Variants in TEN1 observed in about 807,000 individuals in gnomAD.
The protein encoded by TEN1 is CST complex subunit TEN1.
Under a neutral mutation model 9.3 loss-of-function variants are expected in TEN1, and 6 were observed. That is an observed-to-expected ratio of 0.65 (90% CI 0.35 to 1.27). The LOEUF is 1.27. Among genes scored for constraint, TEN1 ranks in the 50% most tolerant of loss-of-function variants. The pLI is 0.03. For missense variants in TEN1, 149 were observed against 158.2 expected (o/e 0.94, Z 0.31); for synonymous variants, 65 against 65.6 (o/e 0.99, Z 0.04).
At chr17:75,993,376 T>C (rs1232950227) in intron 3 of TEN1, among the ~76,000 whole-genome samples, 2 of 152,100 alleles carry the variant, frequency 1.3e-5, no homozygotes, top group Non-Finnish European at 2.9e-5. Context: ...GTGTTGGGAT[T>C]ACAAGCGTGA....
At chr17:75,982,699 T>TTTTATTTATTTA (rs60755863) in intron 1 of TEN1, among the ~76,000 whole-genome samples, 1 of 150,872 alleles carries the variant, frequency 6.6e-6, no homozygotes, top group Non-Finnish European at 1.5e-5. Context: ...TTGATCATAG[T>TTTTATTTATTTA]TTTATTTATT....
At position 76,000,290 on chromosome 17, in the gene TEN1, CT is replaced by C. The variant is rs780497848; in HGVS notation, c.*29del. ...AACAGCAGCCTAGCAACACCCTCAC[CT>C]GCTTCAGAGCCCGAACCCTCTGGAG... On this transcript the variant is annotated 3_prime_UTR_variant, in exon 4 of 4. Transcript: ENST00000397640. The surrounding 1 kb of genome is among the most constrained non-coding windows in gnomAD (Gnocchi z 5.9). 263 of 1,545,294 alleles carry C rather than the reference CT, an allele frequency of 1.7e-4. No homozygotes were observed. Among genetic ancestry groups the C allele is most frequent in the Non-Finnish European group, 2.2e-4 (255 of 1,143,390 alleles).
At chr17:75,996,870 C>T (rs994280767) in intron 3 of TEN1, among the ~76,000 whole-genome samples, 10 of 152,078 alleles carry the variant, frequency 6.6e-5, no homozygotes, top group African/African-American at 1.5e-4. Context: ...AACCTTTCTC[C>T]CCAAACCACA....
At chr17:75,995,846 A>C (rs1325551516) in intron 3 of TEN1, among the ~76,000 whole-genome samples, 1 of 152,076 alleles carries the variant, frequency 6.6e-6, no homozygotes, top group Non-Finnish European at 1.5e-5. Flanking sequence ...CTAATCTAGC[A>C]TGTTCGGAGG....
chr17:75,999,332 C>A (rs778289976), intron 3 of TEN1, among the ~76,000 whole-genome samples: 14 of 151,984 alleles, frequency 9.2e-5, no homozygotes, highest in Non-Finnish European at 1.8e-4. Context: ...CAGAGCAACA[C>A]CCTGTCTCAA....
chr17:75,993,856 C>T (rs1254300653), intron 3 of TEN1, among the ~76,000 whole-genome samples: 1 of 152,094 alleles, frequency 6.6e-6, no homozygotes, highest in Non-Finnish European at 1.5e-5. Flanking sequence ...GTTAGCCGGG[C>T]GTGGTGGCAC....
intron 1 of TEN1, among the ~76,000 whole-genome samples, chr17:75,983,268 G>A (rs1014601293): frequency 3.9e-5 from 6 of 151,984 alleles, no homozygotes; most frequent in Non-Finnish European, 8.8e-5. Context: ...CAGACAGAGC[G>A]AGACTCCATC....
At chr17:75,993,711 C>A (rs1023826902) in intron 3 of TEN1, among the ~76,000 whole-genome samples, 1 of 151,990 alleles carries the variant, frequency 6.6e-6, no homozygotes. Context: ...AAAAATTGAA[C>A]CTGGGCTGGG....
Position 75,979,450 on chromosome 17 carries a change from C to T in TEN1, c.-68C>T, listed in dbSNP as rs1055463654. 8.3e-6 allele frequency: 3 copies of T among 361,364 alleles called. No homozygotes were observed. The highest frequency in any genetic ancestry group is 7.6e-5 in the East Asian group (1 of 13,226). 22.4% of individuals were successfully genotyped at this position (361,364 alleles called of 1,614,324 possible). A position where few individuals can be genotyped will look rare whatever the true frequency, so the allele number is the denominator to read the frequency against. On this transcript the variant is annotated 5_prime_UTR_variant, in exon 1 of 4. Transcript: ENST00000397640. ...AGCACTTTTTGTATCCCGCCCCTCC[C>T]CCGTCACGTGACCACGCGAGGCGGA... is the stretch of plus-strand genomic sequence containing the variant.
At chr17:75,981,951 G>A (rs1021628137) in intron 1 of TEN1, among the ~76,000 whole-genome samples, 2 of 152,144 alleles carry the variant, frequency 1.3e-5, no homozygotes, top group South Asian at 2.1e-4. Flanking sequence ...CGCTTGAACC[G>A]GGGAGGCAGA....
chr17:75,994,795 A>G (rs2066209116), intron 3 of TEN1, among the ~76,000 whole-genome samples: 1 of 152,016 alleles, frequency 6.6e-6, no homozygotes, highest in Admixed American at 6.6e-5. Flanking sequence ...TATCTAAGTC[A>G]TACACGCTCG....
chr17:75,998,169 C>CTTTTTTTTTTT (rs1555622204), intron 3 of TEN1, among the ~76,000 whole-genome samples: 1 of 135,738 alleles, frequency 7.4e-6, no homozygotes, highest in Non-Finnish European at 1.6e-5. Flanking sequence ...TTTTTTTTTC[C>CTTTTTTTTTTT]TTTTTTTTTT....
At chr17:75,983,581 T>C (rs944391536) in intron 1 of TEN1, among the ~76,000 whole-genome samples, 1 of 152,198 alleles carries the variant, frequency 6.6e-6, no homozygotes, top group Non-Finnish European at 1.5e-5. Context: ...CGAAATCATT[T>C]CATGGAGAGC....
At chr17:75,991,982 G>C (rs1401288020) in intron 3 of TEN1, among the ~76,000 whole-genome samples, 2 of 149,784 alleles carry the variant, frequency 1.3e-5, no homozygotes, top group East Asian at 4.0e-4. Flanking sequence ...GGGAGGTACA[G>C]GTTGCAGTGA....
Position 75,979,389 on chromosome 17 carries a change from A to C in TEN1, c.-129A>C. 1 of 500,436 alleles carries C rather than the reference A, an allele frequency of 2.0e-6. No individual in the cohort carries two copies. Among genetic ancestry groups the C allele is most frequent in the East Asian group, 3.7e-5 (1 of 26,930 alleles). 31.0% of individuals were successfully genotyped at this position (500,436 alleles called of 1,614,324 possible). ...GGAAAGGGGCTCCGAAGGTCAAGAA[A>C]CTGCCCTGCTGGGCGTCCGGGGAGT... On this transcript the variant is annotated 5_prime_UTR_variant, in exon 1 of 4. Coordinates refer to ENST00000397640, the MANE Select transcript of TEN1 (RefSeq NM_001113324.3).
Position 76,000,070 on chromosome 17 carries a change from G to A in TEN1, c.251-71G>A. On this transcript the variant is annotated intron_variant, in intron 3 of 3. Transcript: ENST00000397640. The surrounding 1 kb of genome is among the most constrained non-coding windows in gnomAD (Gnocchi z 5.9). ...GGACTGAGCTGTGGAGGGAACAGCT[G>A]GAATGCACCTTGGAGGACGTTGTTG... 14 of 1,521,192 alleles carry A rather than the reference G, an allele frequency of 9.2e-6. No homozygotes were observed. Among genetic ancestry groups the A allele is most frequent in the Non-Finnish European group, 1.2e-5 (14 of 1,128,120 alleles). The allele number at this position is 1,521,192 out of a possible 1,614,324, so 94.2% of individuals were successfully genotyped here.
chr17:75,982,222 C>CA (rs1234428392), intron 1 of TEN1, among the ~76,000 whole-genome samples: 2 of 152,336 alleles, frequency 1.3e-5, no homozygotes, highest in African/African-American at 2.4e-5. Context: ...AGAATCTAGA[C>CA]AGACAGGCCT....
At chr17:75,982,797 G>T (rs1413223594) in intron 1 of TEN1, among the ~76,000 whole-genome samples, 3 of 151,422 alleles carry the variant, frequency 2.0e-5, no homozygotes, top group Non-Finnish European at 4.4e-5. Context: ...TGCAGCCTCC[G>T]CCTCCCGGGT....
At chr17:75,994,981 G>C (rs1287144588) in intron 3 of TEN1, among the ~76,000 whole-genome samples, 1 of 152,032 alleles carries the variant, frequency 6.6e-6, no homozygotes, top group Non-Finnish European at 1.5e-5. Flanking sequence ...CAGCAATTTG[G>C]GATGCCAAGG....
Sources: gnomAD v4.1 joint callset for allele counts (sites outside exome capture counted in the v4.1 genomes callset) on GRCh38, gnomAD v4.1.1 for gene constraint, Gnocchi (gnomAD v3.1) non-coding constraint, MANE v1.5 for transcripts, NCBI Gene and HGNC (gene_info 2026-07-23, HGNC 2026-07-21) for gene names.